NKAIN3: variants seen among roughly 807,000 people sequenced by gnomAD.
The protein encoded by NKAIN3 is sodium/potassium-transporting ATPase subunit beta-1-interacting protein 3.
A neutral mutation model predicts 30.2 loss-of-function variants in NKAIN3; 25 were observed. That is an observed-to-expected ratio of 0.83 (90% CI 0.60 to 1.16). The LOEUF (loss-of-function observed/expected upper bound fraction) is 1.16. Ranked by LOEUF, NKAIN3 falls within the 50% of genes most tolerant of loss-of-function variation. The pLI, the probability that NKAIN3 is intolerant of heterozygous loss-of-function variation, is 0.00. For missense variants in NKAIN3, 225 were observed against 254.1 expected, an observed-to-expected ratio of 0.89 and a Z score of 0.78; for synonymous variants, 91 against 89.6, an observed-to-expected ratio of 1.02 and a Z score of -0.09.
intron 3 of NKAIN3, among the ~76,000 whole-genome samples, chr8:62,598,992 C>T (rs919221822): frequency 2.0e-5 from 3 of 151,990 alleles, no homozygotes; most frequent in East Asian, 3.9e-4. Flanking sequence ...CTCACTGATT[C>T]CATAAGCTGG....
chr8:62,638,324 A>T (rs1385684511), intron 3 of NKAIN3, among the ~76,000 whole-genome samples: 1 of 152,168 alleles, frequency 6.6e-6, no homozygotes. Context: ...CCTCAACCTC[A>T]TGGCAGGGTT....
chr8:62,635,069 G>A (rs1398077967), intron 3 of NKAIN3, among the ~76,000 whole-genome samples: 2 of 152,022 alleles, frequency 1.3e-5, no homozygotes, highest in African/African-American at 4.8e-5. Context: ...TGAGAAAGTG[G>A]GCATGAGGGA....
intron 1 of NKAIN3, among the ~76,000 whole-genome samples, chr8:62,331,852 A>C (rs531417997): frequency 3.3e-5 from 5 of 152,232 alleles, no homozygotes; most frequent in African/African-American, 1.2e-4. Flanking sequence ...AAAGATTAAA[A>C]TTCTGTTTTT....
At chr8:62,323,785 A>T (rs1160317068) in intron 1 of NKAIN3, among the ~76,000 whole-genome samples, 1 of 152,206 alleles carries the variant, frequency 6.6e-6, no homozygotes, top group African/African-American at 2.4e-5. Flanking sequence ...CAAAGATATG[A>T]GTTATCAAGC....
At chr8:62,846,420 C>T (rs1317248201) in intron 4 of NKAIN3, among the ~76,000 whole-genome samples, 1 of 151,922 alleles carries the variant, frequency 6.6e-6, no homozygotes, top group Non-Finnish European at 1.5e-5. Flanking sequence ...CAGATTATTC[C>T]ATCACCTAGG....
Position 62,579,528 on chromosome 8 carries a change from T to C in NKAIN3, c.55-11T>C, listed in dbSNP as rs1371868231. Reference sequence around the variant, plus strand: ...GATTCAATGCTAATGAACTTTCTTTTTTTGTTGTAGGTCTCAGCATTAGAG... The same window carrying C: ...GATTCAATGCTAATGAACTTTCTTTCTTTGTTGTAGGTCTCAGCATTAGAG... On this transcript the variant is annotated splice_polypyrimidine_tract_variant and intron_variant, in intron 1 of 6. Coordinates refer to ENST00000623646, the MANE Select transcript of NKAIN3 (RefSeq NM_001304533.3). 4 of 1,592,816 alleles carry C rather than the reference T, an allele frequency of 2.5e-6. No individual in the cohort carries two copies. The highest frequency in any genetic ancestry group is 3.4e-6 in the Non-Finnish European group (4 of 1,171,964).
At chr8:62,805,867 C>T (rs1818262381) in intron 4 of NKAIN3, among the ~76,000 whole-genome samples, 1 of 152,122 alleles carries the variant, frequency 6.6e-6, no homozygotes, top group South Asian at 2.1e-4. Flanking sequence ...ATACAGGCAA[C>T]CTACAAAATG....
intron 1 of NKAIN3, among the ~76,000 whole-genome samples, chr8:62,437,203 C>T (rs1451932235): frequency 2.6e-5 from 4 of 151,868 alleles, no homozygotes; most frequent in Non-Finnish European, 5.9e-5. Flanking sequence ...GTCCTGAGAC[C>T]ATTAGTGATC....
intron 4 of NKAIN3, among the ~76,000 whole-genome samples, chr8:62,873,668 G>C (rs1337931926): frequency 6.6e-6 from 1 of 151,442 alleles, no homozygotes; most frequent in Non-Finnish European, 1.5e-5. Context: ...TTAGAACTCA[G>C]GAATAAGAAA....
intron 1 of NKAIN3, among the ~76,000 whole-genome samples, chr8:62,290,954 G>T (rs1032357570): frequency 2.0e-5 from 3 of 152,028 alleles, no homozygotes; most frequent in Non-Finnish European, 4.4e-5. Context: ...ACTTCTTCCT[G>T]GTTTAGTCTT....
chr8:62,408,378 A>G (rs1585774589), intron 1 of NKAIN3, among the ~76,000 whole-genome samples: 2 of 152,292 alleles, frequency 1.3e-5, no homozygotes, highest in South Asian at 2.1e-4. Context: ...TGTGCAGTAT[A>G]CAGCCCACAA....
chr8:62,674,216 A>G (rs1813401895), intron 3 of NKAIN3, among the ~76,000 whole-genome samples: 1 of 152,128 alleles, frequency 6.6e-6, no homozygotes, highest in African/African-American at 2.4e-5. Flanking sequence ...AAAATTCCCC[A>G]AATAAGTCGG....
rs1030605025 is a variant in NKAIN3, at chr8:62,707,473, C to T, written c.274-39459C>T. 3.3e-5 allele frequency among the ~76,000 whole-genome samples: 5 copies of T among 152,062 alleles called. No individual in the cohort carries two copies. The East Asian group carries it at 7.7e-4, about 24-fold the overall frequency. On this transcript the variant is annotated intron_variant, in intron 3 of 6. Coordinates refer to ENST00000623646, the MANE Select transcript of NKAIN3 (RefSeq NM_001304533.3). ...GTGGTTTTGATTTGCATTTCCTGAT[C>T]ATTAGTGATGTTGAGCATTTTTTCA...
At chr8:62,800,532 G>T (rs1278430582) in intron 4 of NKAIN3, among the ~76,000 whole-genome samples, 2 of 151,030 alleles carry the variant, frequency 1.3e-5, no homozygotes, top group East Asian at 3.9e-4. Flanking sequence ...ATGTAGATCT[G>T]CAGACATACA....
intron 1 of NKAIN3, among the ~76,000 whole-genome samples, chr8:62,251,476 A>G (rs1302430578): frequency 1.3e-5 from 2 of 152,174 alleles, no homozygotes; most frequent in East Asian, 1.9e-4. Flanking sequence ...TAAATCTGAC[A>G]TGAATGCTGG....
chr8:62,615,215 G>T (rs1264361789), intron 3 of NKAIN3, among the ~76,000 whole-genome samples: 1 of 152,124 alleles, frequency 6.6e-6, no homozygotes, highest in Non-Finnish European at 1.5e-5. Context: ...GTTAGCAGGT[G>T]GTGAATGCTG....
In NKAIN3 at chr8:62,317,122, G is replaced by C. The variant is rs147670299; in HGVS notation, c.54+67995G>C. 9.0e-3 allele frequency among the ~76,000 whole-genome samples: 1,371 copies of C among 152,226 alleles called. 30 individuals carry two copies. Among genetic ancestry groups the C allele is most frequent in the African/African-American group, 0.031 (1,295 of 41,538 alleles). ...TCCTTCACCCACTTTTTGATGGGTT[G>C]TTTGTTTTTTCTTGTAAATTTGTTT... is the stretch of plus-strand genomic sequence containing the variant. On this transcript the variant is annotated intron_variant, in intron 1 of 6. Coordinates refer to ENST00000623646, the MANE Select transcript of NKAIN3 (RefSeq NM_001304533.3).
Position 62,990,377 on chromosome 8 carries a change from A to G in NKAIN3, c.533-8854A>G, listed in dbSNP as rs1025466577. The G allele has an allele frequency of 2.4e-6, 3 of 1,236,408 alleles. No homozygotes were observed. In the Admixed American group the frequency reaches 1.3e-4, roughly 53 times the overall value. The allele number at this position is 1,236,408 out of a possible 1,614,324, so 76.6% of individuals were successfully genotyped here. On this transcript the variant is annotated intron_variant, in intron 5 of 5. Coordinates refer to the NKAIN3 transcript ENST00000519049. ...TAATCTTTCTAGTGCAGTCTAATAT[A>G]TAAATTTTATGAAAAGCATAGGTTT...
intron 1 of NKAIN3, among the ~76,000 whole-genome samples, chr8:62,467,352 A>G (rs1387126894): frequency 6.6e-6 from 1 of 152,202 alleles, no homozygotes; most frequent in Non-Finnish European, 1.5e-5. Flanking sequence ...GTGGCAATGA[A>G]ATCACAATCA....
Sources: gnomAD v4.1 joint callset for allele counts (sites outside exome capture counted in the v4.1 genomes callset) on GRCh38, gnomAD v4.1.1 for gene constraint, MANE v1.5 for transcripts, NCBI Gene and HGNC (gene_info 2026-07-23, HGNC 2026-07-21) for gene names.